The following STRIP1 variants were observed in gnomAD, a reference collection of about 807,000 sequenced individuals.
STRIP1 encodes the protein striatin-interacting protein 1.
Under a neutral mutation model 106.2 loss-of-function variants are expected in STRIP1, and 63 were observed. The observed-to-expected ratio is 0.59, with a 90% CI of 0.48 to 0.73. The LOEUF (loss-of-function observed/expected upper bound fraction) is 0.73. STRIP1 is among the 30% of genes least tolerant of loss of function. The pLI, the probability that STRIP1 is intolerant of heterozygous loss-of-function variation, is 0.00. For synonymous variants in STRIP1, 390 were observed against 413.0 expected (o/e 0.94, Z 0.67); for missense variants, 857 against 1,074.8 (o/e 0.80, Z 2.83).
intron 6 of STRIP1, chr1:110,041,311 AC>A (rs1652745658): frequency 2.1e-6 from 1 of 467,044 alleles, no homozygotes; most frequent in African/African-American, 2.0e-5. Context: ...TCTCACTGTG[AC>A]CCTGTTCTGC....
At position 110,043,498 on chromosome 1, in the gene STRIP1, C is replaced by T. The variant is rs538668768; in HGVS notation, c.1069-141C>T. 6.1e-4 allele frequency: 540 copies of T among 882,850 alleles called. 7 individuals are homozygous for T. The South Asian group carries it at 7.2e-3, about 12-fold the overall frequency. The allele number at this position is 882,850 out of a possible 1,614,324, so 54.7% of individuals were successfully genotyped here. A position where few individuals can be genotyped will look rare whatever the true frequency, so the allele number is the denominator to read the frequency against. ...GAGCAAGAAGTAGTTGATGGTTTGG[C>T]CCCCGTCTTGACTCCCACTGTGGTT... On this transcript the variant is annotated intron_variant, in intron 9 of 20. Transcript: ENST00000369795.
intron 18 of STRIP1, 33 bp downstream of exon 18, chr1:110,050,442 T>C: frequency 6.2e-7 from 1 of 1,607,126 alleles, no homozygotes; most frequent in Non-Finnish European, 8.5e-7. Flanking sequence ...GCTGTCCTTT[T>C]GGCACCAGGG....
At chr1:110,042,515 A>G (rs6537651) in intron 8 of STRIP1, among the ~76,000 whole-genome samples, 106,476 of 152,116 alleles carry the variant, frequency 0.7, 38,627 homozygotes, top group African/African-American at 0.9. Context: ...GATTTCTTAA[A>G]AGTCATTGAC....
chr1:110,045,833 G>T (rs973226710), intron 12 of STRIP1, among the ~76,000 whole-genome samples: 2 of 152,132 alleles, frequency 1.3e-5, no homozygotes, highest in Admixed American at 6.5e-5. Context: ...GGACAAGTCC[G>T]CCCTGTGTCC....
chr1:110,054,192 A>C lies in STRIP1; in HGVS notation c.*280A>C. ...ATGGTTGGTTTTGGCTCATTTCACA[A>C]TCAGCCCAAGGCTGGGAAAGCTGGA... On this transcript the variant is annotated 3_prime_UTR_variant, in exon 21 of 21. Coordinates refer to ENST00000369795, the MANE Select transcript of STRIP1 (RefSeq NM_033088.4). 7.1e-6 allele frequency: 3 copies of C among 422,192 alleles called. No homozygotes were observed. Among genetic ancestry groups the C allele is most frequent in the East Asian group, 4.8e-5 (1 of 20,812 alleles). The allele number at this position is 422,192 out of a possible 1,614,324, so 26.2% of individuals were successfully genotyped here.
upstream of STRIP1, among the ~76,000 whole-genome samples, chr1:110,033,246 C>T (rs1570907911): frequency 6.6e-6 from 1 of 151,652 alleles, no homozygotes; most frequent in African/African-American, 2.4e-5. Flanking sequence ...CGCCCCACTG[C>T]CACCTTTTAA....
intron 15 of STRIP1, 109 bp downstream of exon 15, chr1:110,047,978 A>C: frequency 1.1e-6 from 1 of 903,632 alleles, no homozygotes; most frequent in Non-Finnish European, 1.7e-6. Flanking sequence ...TACAGGTTAA[A>C]TGTAGGTATT....
chr1:110,049,560 G>A lies in STRIP1; in HGVS notation c.1889G>A (p.Ser630Asn). ...NIMSYITAKNSISVLDYPHCV... is the reference protein window; with the variant it reads ...NIMSYITAKNNISVLDYPHCV... ...ATGTCCTACATCACTGCCAAGAACA[G>A]GTGATGAGGGCCAGGGACCATGAAG... Residue 630 changes from serine (S) to asparagine (N), a missense_variant and splice_region_variant, in exon 17 of 21, where the codon AGC (serine) becomes AAC (asparagine). This residue lies in a region of STRIP1 where 750 missense variants were observed against 989.8 expected (regional missense o/e 0.76). Transcript: ENST00000369795. The A allele has an allele frequency of 6.2e-7, 1 of 1,604,120 alleles. No homozygotes were observed. The highest frequency in any genetic ancestry group is 8.5e-7 in the Non-Finnish European group (1 of 1,171,956).
chr1:110,043,010 T>G, intron 8 of STRIP1, 78 bp from the exon 9 acceptor site: 1 of 1,402,094 alleles, frequency 7.1e-7, no homozygotes, highest in East Asian at 2.5e-5. Flanking sequence ...TCATGAATGT[T>G]TCTGAGCCTG....
At chr1:110,033,749 G>T (rs1467096316), upstream of STRIP1, among the ~76,000 whole-genome samples, 6 of 152,244 alleles carry the variant, frequency 3.9e-5, no homozygotes, top group South Asian at 1.0e-3. Context: ...TCCAACGTAT[G>T]GAATTTGGGG....
chr1:110,052,220 C>CT (rs949565325), intron 20 of STRIP1, among the ~76,000 whole-genome samples: 1 of 152,200 alleles, frequency 6.6e-6, no homozygotes, highest in African/African-American at 2.4e-5. Flanking sequence ...TTCCCTGCCT[C>CT]TAATTTCTTC....
upstream of STRIP1, among the ~76,000 whole-genome samples, chr1:110,034,435 T>C (rs890479169): frequency 1.3e-5 from 2 of 151,922 alleles, no homozygotes; most frequent in Non-Finnish European, 2.9e-5. Flanking sequence ...AAACTGAAAC[T>C]GAAAGGAAGG....
chr1:110,032,991 C>T (rs891609603), upstream of STRIP1, among the ~76,000 whole-genome samples: 1 of 152,178 alleles, frequency 6.6e-6, no homozygotes, highest in African/African-American at 2.4e-5. Context: ...TCTTCTGGTC[C>T]CTGCATTATC....
upstream of STRIP1, chr1:110,034,574 A>C: frequency 6.9e-7 from 1 of 1,444,956 alleles, no homozygotes; most frequent in Non-Finnish European, 9.1e-7. Flanking sequence ...CCTGGAGAAA[A>C]TCACGCGAGA....
intron 20 of STRIP1, among the ~76,000 whole-genome samples, chr1:110,053,129 A>G (rs886298026): frequency 6.6e-6 from 1 of 152,106 alleles, no homozygotes; most frequent in Non-Finnish European, 1.5e-5. Context: ...TGTGGTTCCC[A>G]CTACTAGGCC....
At chr1:110,048,962 AG>A in intron 15 of STRIP1, 149 bp from the exon 16 acceptor site, 1 of 778,904 alleles carries the variant, frequency 1.3e-6, no homozygotes, top group Non-Finnish European at 2.0e-6. Flanking sequence ...TGGATGGGGG[AG>A]CCCTCGGCTG....
intron 20 of STRIP1, among the ~76,000 whole-genome samples, chr1:110,052,803 C>T (rs931008136): frequency 6.6e-6 from 1 of 151,938 alleles, no homozygotes; most frequent in Non-Finnish European, 1.5e-5. Flanking sequence ...TGGGTTCAAG[C>T]GATCCACCAG....
At chr1:110,039,877 A>G (rs1186881971) in intron 5 of STRIP1, 4 of 1,296,682 alleles carry the variant, frequency 3.1e-6, no homozygotes, top group Non-Finnish European at 3.0e-6. Context: ...CAGGCACAAG[A>G]CTGACATATG....
At chr1:110,043,333 C>T (rs1652865977) in intron 9 of STRIP1, 63 bp downstream of exon 9, 1 of 1,525,274 alleles carries the variant, frequency 6.6e-7, no homozygotes, top group Non-Finnish European at 9.0e-7. Context: ...TGCAGCAGCA[C>T]AGTCCTTGGA....
Sources: allele counts gnomAD v4.1 joint callset (sites outside exome capture counted in the v4.1 genomes callset), GRCh38; gene constraint gnomAD v4.1.1; regional missense constraint gnomAD v4.1.1; transcripts MANE v1.5; gene names NCBI Gene and HGNC (gene_info 2026-07-23, HGNC 2026-07-21).